Variants in TBCA observed in about 807,000 individuals in gnomAD.
The protein encoded by TBCA is tubulin folding cofactor A, also known as tubulin-specific chaperone A.
A neutral mutation model predicts 15.8 loss-of-function variants in TBCA; 6 were observed. That is an observed-to-expected ratio of 0.38 (90% CI 0.21 to 0.75). The LOEUF (loss-of-function observed/expected upper bound fraction) is 0.75, where lower values mean the gene tolerates loss of function less well. TBCA is among the 30% of genes least tolerant of loss of function. The pLI, the probability that TBCA is intolerant of heterozygous loss-of-function variation, is 0.46. For missense variants in TBCA, 90 were observed against 131.2 expected, an observed-to-expected ratio of 0.69 and a Z score of 1.53; for synonymous variants, 32 against 42.3, an observed-to-expected ratio of 0.76 and a Z score of 0.94.
intron 1 of TBCA, among the ~76,000 whole-genome samples, chr5:77,759,727 A>G (rs2112504942): frequency 6.6e-6 from 1 of 152,356 alleles, no homozygotes; most frequent in African/African-American, 2.4e-5. Context: ...ACTTGGTGTT[A>G]AACTTCAGAA....
intron 1 of TBCA, among the ~76,000 whole-genome samples, chr5:77,729,790 T>A (rs1188329873): frequency 6.6e-6 from 1 of 152,218 alleles, no homozygotes; most frequent in East Asian, 1.9e-4. Flanking sequence ...TATTGACCAA[T>A]CTTCCTTCAT....
chr5:77,763,660 T>C (rs543474955), intron 1 of TBCA, among the ~76,000 whole-genome samples: 43 of 152,270 alleles, frequency 2.8e-4, no homozygotes, highest in African/African-American at 8.9e-4. Flanking sequence ...CACTCGAGGA[T>C]ACAATGAGAA....
chr5:77,696,055 T>G (rs528010165), intron 2 of TBCA, among the ~76,000 whole-genome samples: 76 of 152,324 alleles, frequency 5.0e-4, no homozygotes, highest in Non-Finnish European at 9.4e-4. Flanking sequence ...TGGCAGATCT[T>G]CATTTTTGTC....
intron 2 of TBCA, among the ~76,000 whole-genome samples, chr5:77,702,603 T>C (rs529847319): frequency 6.6e-6 from 1 of 152,324 alleles, no homozygotes; most frequent in Admixed American, 6.5e-5. Context: ...CAGAGAACTA[T>C]ACATGCAAAC....
chr5:77,722,524 TGGAA>T (rs1404601759), intron 1 of TBCA, among the ~76,000 whole-genome samples: 7 of 152,010 alleles, frequency 4.6e-5, no homozygotes, highest in African/African-American at 1.7e-4. Flanking sequence ...AAAGTGTATT[TGGAA>T]GTACACTCTT....
chr5:77,741,966 A>G (rs1215647016), intron 1 of TBCA, among the ~76,000 whole-genome samples: 1 of 152,206 alleles, frequency 6.6e-6, no homozygotes. Flanking sequence ...AGTTCAAAGC[A>G]TGATCCTTGA....
At chr5:77,716,150 G>A (rs982834061) in intron 1 of TBCA, among the ~76,000 whole-genome samples, 2 of 152,194 alleles carry the variant, frequency 1.3e-5, no homozygotes, top group Middle Eastern at 6.8e-3. Flanking sequence ...AAGAGTCAAT[G>A]AAAATAGAAG....
intron 1 of TBCA, among the ~76,000 whole-genome samples, chr5:77,717,331 T>G (rs1407175584): frequency 1.3e-5 from 2 of 152,254 alleles, no homozygotes; most frequent in African/African-American, 4.8e-5. Flanking sequence ...AATGCTTTCC[T>G]ACTTGAGACT....
chr5:77,716,354 CT>C (rs1346524615), intron 1 of TBCA, among the ~76,000 whole-genome samples: 1 of 152,138 alleles, frequency 6.6e-6, no homozygotes, highest in Non-Finnish European at 1.5e-5. Context: ...TCTCCTAAAA[CT>C]TTTTTGCCAT....
In TBCA at chr5:77,766,700, G is replaced by A. The variant is rs1210202980; in HGVS notation, c.53+9505C>T. Among the ~76,000 whole-genome samples, 4 of 34,714 alleles carry A rather than the reference G, an allele frequency of 1.2e-4. 2 individuals carry two copies. Among genetic ancestry groups the A allele is most frequent in the East Asian group, 1.6e-3 (2 of 1,272 alleles). 22.8% of individuals were successfully genotyped at this position (34,714 alleles called of 152,430 possible). On this transcript the variant is annotated intron_variant, in intron 1 of 3. Coordinates refer to ENST00000380377, the MANE Select transcript of TBCA (RefSeq NM_004607.3). ...AATTTTTTGTATTTTTAGTAGAGAC[G>A]GGGTTTCACCGTGGTCTCGATCTCC... is the stretch of plus-strand genomic sequence containing the variant.
At chr5:77,708,132 A>G in intron 2 of TBCA, 110 bp downstream of exon 2, 3 of 697,572 alleles carry the variant, frequency 4.3e-6, no homozygotes, top group Non-Finnish European at 6.9e-6. Flanking sequence ...TTTTAATAGT[A>G]AAGAAGTAAA....
intron 2 of TBCA, 46 bp downstream of exon 2, chr5:77,708,195 TG>T (rs1561265938): frequency 7.6e-7 from 1 of 1,310,294 alleles, no homozygotes; most frequent in Non-Finnish European, 1.1e-6. Flanking sequence ...TTAGTTAATA[TG>T]GCATTCTGTA....
chr5:77,765,599 T>C (rs1207562422), intron 1 of TBCA, among the ~76,000 whole-genome samples: 1 of 152,178 alleles, frequency 6.6e-6, no homozygotes, highest in Non-Finnish European at 1.5e-5. Context: ...TTTCACTTGG[T>C]TGCTGCTCCT....
At chr5:77,713,455 C>T (rs1746329354) in intron 1 of TBCA, among the ~76,000 whole-genome samples, 1 of 152,030 alleles carries the variant, frequency 6.6e-6, no homozygotes, top group Non-Finnish European at 1.5e-5. Context: ...ATATTTAAGC[C>T]ATTCCCTTAT....
intron 1 of TBCA, among the ~76,000 whole-genome samples, chr5:77,759,059 TG>T (rs1227748297): frequency 6.6e-6 from 1 of 152,148 alleles, no homozygotes; most frequent in African/African-American, 2.4e-5. Flanking sequence ...ACACTCCTGG[TG>T]GGGGGGTAGG....
chr5:77,770,010 C>T (rs568805039), intron 1 of TBCA, among the ~76,000 whole-genome samples: 1 of 152,306 alleles, frequency 6.6e-6, no homozygotes, highest in Admixed American at 6.5e-5. Flanking sequence ...TTCATTCACT[C>T]ACCAGTGAAC....
intron 1 of TBCA, among the ~76,000 whole-genome samples, chr5:77,710,185 T>C (rs913917887): frequency 6.6e-6 from 1 of 152,146 alleles, no homozygotes; most frequent in Non-Finnish European, 1.5e-5. Flanking sequence ...AATAAAGCTG[T>C]TGGCAAAAAG....
intron 1 of TBCA, among the ~76,000 whole-genome samples, chr5:77,773,640 G>C (rs75958921): frequency 0.016 from 2,498 of 152,284 alleles, 64 homozygotes; most frequent in African/African-American, 0.057. Flanking sequence ...CTACTCACAT[G>C]GTCTCCTTAT....
At chr5:77,772,956 G>A (rs185757003) in intron 1 of TBCA, among the ~76,000 whole-genome samples, 3 of 152,282 alleles carry the variant, frequency 2.0e-5, no homozygotes, top group Non-Finnish European at 1.5e-5. Flanking sequence ...AACTAGTAGA[G>A]ATCACTGGAA....
Sources: gnomAD v4.1 joint callset for allele counts (sites outside exome capture counted in the v4.1 genomes callset) on GRCh38, gnomAD v4.1.1 for gene constraint, MANE v1.5 for transcripts, NCBI Gene and HGNC (gene_info 2026-07-23, HGNC 2026-07-21) for gene names.